PTPRN2: variants seen among roughly 807,000 people sequenced by gnomAD.
The protein encoded by PTPRN2 is protein tyrosine phosphatase receptor type N2, also known as receptor-type tyrosine-protein phosphatase N2.
A neutral mutation model predicts 118.8 loss-of-function variants in PTPRN2; 74 were observed. The observed-to-expected ratio is 0.62, with a 90% CI of 0.52 to 0.76. PTPRN2 has a LOEUF of 0.76. PTPRN2 is among the 30% of genes least tolerant of loss of function. PTPRN2 has a pLI of 0.00. For missense variants in PTPRN2, 1,481 were observed against 1,394.4 expected (o/e 1.06, Z -0.99); for synonymous variants, 641 against 608.0 (o/e 1.05, Z -0.80).
At chr7:158,566,745 T>G (rs1420029809) in intron 1 of PTPRN2, among the ~76,000 whole-genome samples, 1 of 152,178 alleles carries the variant, frequency 6.6e-6, no homozygotes, top group African/African-American at 2.4e-5. Context: ...AGACAGAGTC[T>G]CACTCTGTCA....
chr7:158,223,480 T>C (rs1828514472), intron 3 of PTPRN2, among the ~76,000 whole-genome samples: 1 of 152,162 alleles, frequency 6.6e-6, no homozygotes, highest in Admixed American at 6.5e-5. Flanking sequence ...TCATGAGGTT[T>C]ATTCCAGGAA....
intron 22 of PTPRN2, among the ~76,000 whole-genome samples, chr7:157,543,637 TG>T (rs1358301855): frequency 3.3e-5 from 5 of 152,274 alleles, no homozygotes; most frequent in Non-Finnish European, 5.9e-5. Context: ...TGTTTATATT[TG>T]TAATCCTTCA....
chr7:158,391,354 G>C (rs1016957034), intron 2 of PTPRN2, among the ~76,000 whole-genome samples: 1 of 152,126 alleles, frequency 6.6e-6, no homozygotes, highest in African/African-American at 2.4e-5. Context: ...TGGCCAAGCT[G>C]CACCAGGCCC....
intron 1 of PTPRN2, among the ~76,000 whole-genome samples, chr7:158,557,195 G>A (rs867180016): frequency 3.0e-4 from 36 of 120,776 alleles, no homozygotes; most frequent in African/African-American, 1.0e-3. Context: ...CAGGTCAGGC[G>A]GCTCCCACGC....
intron 2 of PTPRN2, among the ~76,000 whole-genome samples, chr7:158,462,828 T>C (rs1819104717): frequency 6.6e-6 from 1 of 152,212 alleles, no homozygotes; most frequent in East Asian, 1.9e-4. Context: ...GAGTTGAAGG[T>C]TGGGACACAG....
intron 3 of PTPRN2, among the ~76,000 whole-genome samples, chr7:158,263,377 G>C (rs1039503242): frequency 2.6e-5 from 4 of 151,292 alleles, no homozygotes; most frequent in African/African-American, 9.7e-5. Context: ...CATGCACACT[G>C]TACACACACG....
At chr7:157,572,045 A>G (rs1334313534) in intron 19 of PTPRN2, among the ~76,000 whole-genome samples, 1 of 152,226 alleles carries the variant, frequency 6.6e-6, no homozygotes, top group Non-Finnish European at 1.5e-5. Flanking sequence ...AGTCCCTTCC[A>G]TGCTTATAAC....
At chr7:157,559,797 A>G (rs1027442960) in intron 21 of PTPRN2, among the ~76,000 whole-genome samples, 3 of 152,184 alleles carry the variant, frequency 2.0e-5, no homozygotes, top group African/African-American at 7.2e-5. Flanking sequence ...ACATCCTGAC[A>G]GCGACACAGC....
At chr7:158,272,156 G>A (rs979924520) in intron 3 of PTPRN2, among the ~76,000 whole-genome samples, 1 of 152,184 alleles carries the variant, frequency 6.6e-6, no homozygotes, top group Non-Finnish European at 1.5e-5. Context: ...TTCGTGCTGA[G>A]CTGGCAGAGG....
rs1261964812 is a variant in PTPRN2, at chr7:158,134,112, A to T, written c.1174-53T>A. 3.4e-5 allele frequency: 53 copies of T among 1,565,036 alleles called. No homozygotes were observed. In the South Asian group the frequency reaches 6.2e-4, roughly 18 times the overall value. On this transcript the variant is annotated intron_variant, in intron 8 of 22. Coordinates refer to ENST00000389418, the MANE Select transcript of PTPRN2 (RefSeq NM_002847.5). ...CGTCTGCGAAAGGAATGCTGATGTG[A>T]CACATGCAATCAAGGGCTGCCCGGG... is the stretch of plus-strand genomic sequence containing the variant.
chr7:158,165,909 G>A (rs559524190), intron 6 of PTPRN2, among the ~76,000 whole-genome samples: 31 of 152,248 alleles, frequency 2.0e-4, no homozygotes, highest in Admixed American at 1.1e-3. Context: ...CCTCGAGGCC[G>A]ACACTGTTCA....
At chr7:158,540,470 C>T (rs1313490017) in intron 1 of PTPRN2, among the ~76,000 whole-genome samples, 1 of 152,034 alleles carries the variant, frequency 6.6e-6, no homozygotes, top group Non-Finnish European at 1.5e-5. Context: ...TGCTGGGTCT[C>T]GGGGGGCAAT....
In PTPRN2 at chr7:157,929,204, G is replaced by T. The variant is rs1799216726; in HGVS notation, c.1724-30467C>A. On this transcript the variant is annotated intron_variant, in intron 11 of 22. Coordinates refer to ENST00000389418, the MANE Select transcript of PTPRN2 (RefSeq NM_002847.5). The surrounding 1 kb of genome is among the most constrained non-coding windows in gnomAD (Gnocchi z 4.4). Reference sequence around the variant, plus strand: ...TGCGTTAGCAAATGCTGAAGGCAGGGTCGTCCCTGGCATGACCCCCTCCCC... The same window carrying T: ...TGCGTTAGCAAATGCTGAAGGCAGGTTCGTCCCTGGCATGACCCCCTCCCC... 6.6e-6 allele frequency among the ~76,000 whole-genome samples: 1 copy of T among 152,162 alleles called. No individual in the cohort carries two copies. Among genetic ancestry groups the T allele is most frequent in the Non-Finnish European group, 1.5e-5 (1 of 68,018 alleles).
At chr7:157,563,939 G>A (rs902344499) in intron 21 of PTPRN2, among the ~76,000 whole-genome samples, 3 of 152,154 alleles carry the variant, frequency 2.0e-5, no homozygotes, top group South Asian at 2.1e-4. Context: ...ACATGCTCCC[G>A]CACACGCTCG....
rs940675114 is a variant in PTPRN2 at position 157,992,832 on chromosome 7, G to C, written c.1723+88466C>G. ...TCTAAGAAGAAGTATGCGATGGGAA[G>C]ACCTTTTGGCTCCTTCTGCTCAGGA... On this transcript the variant is annotated intron_variant, in intron 11 of 22. Coordinates refer to ENST00000389418, the MANE Select transcript of PTPRN2 (RefSeq NM_002847.5). Among the ~76,000 whole-genome samples, 2 of 152,368 alleles carry C rather than the reference G, an allele frequency of 1.3e-5. 1 individual carries two copies.
chr7:158,249,032 G>A (rs149091107), intron 3 of PTPRN2, among the ~76,000 whole-genome samples: 3 of 143,382 alleles, frequency 2.1e-5, no homozygotes, highest in East Asian at 2.1e-4. Context: ...ATAAACACAC[G>A]TGCACACATG....
At chr7:158,337,712 T>C (rs199857339) in intron 2 of PTPRN2, among the ~76,000 whole-genome samples, 1,010 of 103,780 alleles carry the variant, frequency 9.7e-3, no homozygotes, top group Middle Eastern at 0.015. Flanking sequence ...CCATAAGAGC[T>C]GACGCCCGCA....
At chr7:158,210,090 C>T (rs187497634) in intron 3 of PTPRN2, among the ~76,000 whole-genome samples, 14 of 148,610 alleles carry the variant, frequency 9.4e-5, no homozygotes, top group Admixed American at 8.7e-4. Flanking sequence ...GCAACTACAT[C>T]GAGAAAAAAG....
rs1563479115 is a variant in PTPRN2, at chr7:158,131,073, AC to A, written c.1556+2603del. 4.1e-3 allele frequency among the ~76,000 whole-genome samples: 85 copies of A among 20,738 alleles called. 1 individual carries two copies. In the South Asian group the frequency reaches 0.088, roughly 21 times the overall value. The allele number at this position is 20,738 out of a possible 152,430, so 13.6% of individuals were successfully genotyped here. On this transcript the variant is annotated intron_variant, in intron 9 of 22. Coordinates refer to ENST00000389418, the MANE Select transcript of PTPRN2 (RefSeq NM_002847.5). ...ATACAGACACCTGCCCAACACACACACTTATACACACACGCACATACACAGA... is the reference window on the plus strand; with the variant it reads ...ATACAGACACCTGCCCAACACACACATTATACACACACGCACATACACAGA...
Sources: gnomAD v4.1 joint callset for allele counts (sites outside exome capture counted in the v4.1 genomes callset) on GRCh38, gnomAD v4.1.1 for gene constraint, Gnocchi (gnomAD v3.1) non-coding constraint, MANE v1.5 for transcripts, NCBI Gene and HGNC (gene_info 2026-07-23, HGNC 2026-07-21) for gene names.